HTR4: variants seen among roughly 807,000 people sequenced by gnomAD.
HTR4 encodes 5-hydroxytryptamine receptor 4, also known as 5-hydroxytryptamine (serotonin) receptor 4, G protein-coupled.
A neutral mutation model predicts 36.8 loss-of-function variants in HTR4; 16 were observed. The ratio of observed to expected loss-of-function variants is 0.43; its 90% confidence interval spans 0.29 to 0.66. HTR4 has a LOEUF of 0.66. Ranked by LOEUF, HTR4 falls within the 30% of genes least tolerant of loss-of-function variation. The pLI is 0.13. For synonymous variants in HTR4, 189 were observed against 185.1 expected (o/e 1.02, Z -0.17); for missense variants, 438 against 490.9 (o/e 0.89, Z 1.02).
chr5:148,523,474 T>C lies in HTR4; in HGVS notation c.354-128A>G, dbSNP rs1301709112. 3 of 586,778 alleles carry C rather than the reference T, an allele frequency of 5.1e-6. No homozygotes were observed. In the East Asian group the frequency reaches 1.0e-4, roughly 20 times the overall value. 36.3% of individuals were successfully genotyped at this position (586,778 alleles called of 1,614,324 possible). ...AGCAAGGGATAGAGAACAGCAAACATTGAGGAGAAGAGTCGGAGGGGAAGC... is the reference window on the plus strand; with the variant it reads ...AGCAAGGGATAGAGAACAGCAAACACTGAGGAGAAGAGTCGGAGGGGAAGC... On this transcript the variant is annotated intron_variant, in intron 4 of 6. Coordinates refer to ENST00000377888, the MANE Select transcript of HTR4 (RefSeq NM_000870.7).
chr5:148,560,012 A>G (rs1445331722), intron 2 of HTR4, among the ~76,000 whole-genome samples: 1 of 151,946 alleles, frequency 6.6e-6, no homozygotes, highest in African/African-American at 2.4e-5. Flanking sequence ...ATTTGTTTCC[A>G]TATTCTAGGT....
intron 2 of HTR4, among the ~76,000 whole-genome samples, chr5:148,631,366 G>A (rs747137999): frequency 2.6e-5 from 4 of 152,012 alleles, no homozygotes; most frequent in Non-Finnish European, 5.9e-5. Flanking sequence ...CACAATTTCC[G>A]AGCCTGAAGA....
chr5:148,608,516 C>T (rs1023270438), intron 2 of HTR4, among the ~76,000 whole-genome samples: 10 of 151,844 alleles, frequency 6.6e-5, no homozygotes, highest in East Asian at 1.9e-4. Context: ...GAATACGGGC[C>T]GTAAAGTAGA....
Position 148,485,924 on chromosome 5 carries a change from CCTCT to C in HTR4, c.1077-2635_1077-2632del, listed in dbSNP as rs138716292. Reference sequence around the variant, plus strand: ...GCTACATTGGCTCTCTCTTTCTCTCCCTCTCTATCTATCTTTGACATTGGCAAAC... The same window carrying C: ...GCTACATTGGCTCTCTCTTTCTCTCCCTATCTATCTTTGACATTGGCAAAC... On this transcript the variant is annotated intron_variant, in intron 6 of 6. Coordinates refer to ENST00000377888, the MANE Select transcript of HTR4 (RefSeq NM_000870.7). Among the ~76,000 whole-genome samples the C allele has an allele frequency of 1.6e-4, 25 of 152,244 alleles. No individual in the cohort carries two copies. The East Asian group carries it at 4.4e-3, about 27-fold the overall frequency.
intron 2 of HTR4, among the ~76,000 whole-genome samples, chr5:148,575,967 T>C (rs182317801): frequency 1.3e-5 from 2 of 151,898 alleles, no homozygotes; most frequent in African/African-American, 2.4e-5. Flanking sequence ...GACAACATGA[T>C]TCTATATCTA....
At chr5:148,630,362 C>T (rs983075624) in intron 2 of HTR4, 1 of 152,116 alleles carries the variant, frequency 6.6e-6, no homozygotes, top group Non-Finnish European at 1.5e-5. Flanking sequence ...AGATCTTAAC[C>T]CAGATGCTCC....
chr5:148,608,785 C>A (rs1361171846), intron 2 of HTR4, among the ~76,000 whole-genome samples: 1 of 152,156 alleles, frequency 6.6e-6, no homozygotes, highest in Non-Finnish European at 1.5e-5. Context: ...ATTGCAGTAA[C>A]CCAGGTGAGA....
chr5:148,577,831 A>T (rs148130603), intron 2 of HTR4, among the ~76,000 whole-genome samples: 1 of 151,948 alleles, frequency 6.6e-6, no homozygotes, highest in Admixed American at 6.6e-5. Context: ...GTGGAGGGTG[A>T]GAGGAGGGAG....
At chr5:148,562,947 A>C (rs1760279783) in intron 2 of HTR4, among the ~76,000 whole-genome samples, 1 of 152,172 alleles carries the variant, frequency 6.6e-6, no homozygotes, top group Non-Finnish European at 1.5e-5. Context: ...CTCAACTGGC[A>C]TCCCTGCTTC....
chr5:148,546,785 T>C (rs1461432176), intron 4 of HTR4, among the ~76,000 whole-genome samples: 1 of 152,208 alleles, frequency 6.6e-6, no homozygotes, highest in East Asian at 1.9e-4. Flanking sequence ...ACAATGATCA[T>C]ATGCAGGTTA....
intron 2 of HTR4, among the ~76,000 whole-genome samples, chr5:148,605,259 T>TC (rs1364670199): frequency 7.2e-6 from 1 of 139,500 alleles, no homozygotes; most frequent in African/African-American, 2.7e-5. Flanking sequence ...TTCTTTTCTT[T>TC]TTTTTTTTTT....
intron 5 of HTR4, among the ~76,000 whole-genome samples, chr5:148,516,312 C>CTTTTTTTTTTTTTTTTTTTTTTTTTTTT (rs954784476): frequency 3.9e-5 from 3 of 76,496 alleles, no homozygotes; most frequent in Admixed American, 1.9e-4. Flanking sequence ...ATTCCCCCCT[C>CTTTTTTTTTTTTTTTTTTTTTTTTTTTT]TTTTTTTTTT....
intron 6 of HTR4, among the ~76,000 whole-genome samples, chr5:148,486,343 C>T (rs149085519): frequency 9.2e-4 from 140 of 152,232 alleles, no homozygotes; most frequent in African/African-American, 3.3e-3. Flanking sequence ...TAAGATCATC[C>T]TCAGTGCACA....
chr5:148,568,728 T>A (rs1173819106), intron 2 of HTR4, among the ~76,000 whole-genome samples: 1 of 152,168 alleles, frequency 6.6e-6, no homozygotes, highest in African/African-American at 2.4e-5. Context: ...GACACATTAG[T>A]AAAGCTTTTT....
intron 1 of HTR4, among the ~76,000 whole-genome samples, chr5:148,650,575 T>TA (rs1033688407): frequency 9.9e-5 from 15 of 152,204 alleles, no homozygotes; most frequent in East Asian, 5.8e-4. Context: ...GAGTTTTTTT[T>TA]AAAAAAAATG....
At chr5:148,477,392 C>T (rs571047023), downstream of HTR4, among the ~76,000 whole-genome samples, 8 of 152,234 alleles carry the variant, frequency 5.3e-5, no homozygotes, top group East Asian at 3.9e-4. Flanking sequence ...CAAAACTCCA[C>T]GGAGAAACAA....
At position 148,509,542 on chromosome 5, in the gene HTR4, A is replaced by G; in HGVS notation, c.990T>C (p.Asp330=). The change falls in exon 6 of 7, where the codon GAT becomes GAC. Residue 330 remains aspartate (D), a synonymous_variant. Transcript: ENST00000377888. Reference sequence around the variant, plus strand: ...TGGAAGGTCTTCGGTAGCGCTCATCATCACAGCAGAGGATGATGAGGAAGG... The same window carrying G: ...TGGAAGGTCTTCGGTAGCGCTCATCGTCACAGCAGAGGATGATGAGGAAGG... The part of the protein sequence containing the change: ...RRAFLIILCC[D]DERYRRPSIL... The G allele has an allele frequency of 1.9e-6, 3 of 1,614,124 alleles. No homozygotes were observed. Among genetic ancestry groups the G allele is most frequent in the Non-Finnish European group, 2.5e-6 (3 of 1,179,986 alleles).
At chr5:148,561,469 T>C (rs955050945) in intron 2 of HTR4, among the ~76,000 whole-genome samples, 1 of 152,208 alleles carries the variant, frequency 6.6e-6, no homozygotes, top group African/African-American at 2.4e-5. Flanking sequence ...ATAATAGTGC[T>C]AGTCAATTAG....
chr5:148,652,531 G>T (rs926100691), intron 1 of HTR4, among the ~76,000 whole-genome samples: 1 of 152,164 alleles, frequency 6.6e-6, no homozygotes, highest in African/African-American at 2.4e-5. Context: ...CATTTGATTT[G>T]TTGGCTTCAA....
Sources: gnomAD v4.1 joint callset for allele counts (sites outside exome capture counted in the v4.1 genomes callset) on GRCh38, gnomAD v4.1.1 for gene constraint, MANE v1.5 for transcripts, NCBI Gene and HGNC (gene_info 2026-07-23, HGNC 2026-07-21) for gene names.